Variants in NSMAF observed in about 807,000 individuals in gnomAD.
The protein encoded by NSMAF is neutral sphingomyelinase activation associated factor, also known as protein FAN.
In NSMAF, 90 loss-of-function variants were observed where a neutral mutation model predicts 134.9. The observed-to-expected ratio is 0.67, with a 90% CI of 0.56 to 0.79. The LOEUF (loss-of-function observed/expected upper bound fraction) is 0.79. Among genes scored for constraint, NSMAF ranks in the 30% least tolerant of loss-of-function variants. NSMAF has a pLI of 0.00. For missense variants in NSMAF, 1,010 were observed against 1,119.0 expected (o/e 0.90, Z 1.39); for synonymous variants, 358 against 389.6 (o/e 0.92, Z 0.96).
At chr8:58,629,778 G>C (rs1807015729) in intron 6 of NSMAF, among the ~76,000 whole-genome samples, 2 of 152,336 alleles carry the variant, frequency 1.3e-5, no homozygotes, top group Admixed American at 1.3e-4. Context: ...TATGCATGTA[G>C]ATTCCTAATT....
At chr8:58,658,171 C>T (rs1396040181) in intron 1 of NSMAF, among the ~76,000 whole-genome samples, 1 of 152,164 alleles carries the variant, frequency 6.6e-6, no homozygotes, top group Non-Finnish European at 1.5e-5. Context: ...ATACAGAGCA[C>T]CAACAAGTCT....
Position 58,597,916 on chromosome 8 carries a change from A to C in NSMAF, c.1586-14T>G, listed in dbSNP as rs1321444438. ...GGGGATGAAATACTGAAAAAGACATACAAAACACTATTGAAAGATGTGCTA... is the reference window on the plus strand; with the variant it reads ...GGGGATGAAATACTGAAAAAGACATCCAAAACACTATTGAAAGATGTGCTA... On this transcript the variant is annotated splice_polypyrimidine_tract_variant and intron_variant, in intron 19 of 30. Coordinates refer to ENST00000038176, the MANE Select transcript of NSMAF (RefSeq NM_003580.4). 7 of 1,589,418 alleles carry C rather than the reference A, an allele frequency of 4.4e-6. No individual in the cohort carries two copies. The highest frequency in any genetic ancestry group is 5.2e-6 in the Non-Finnish European group (6 of 1,157,852).
chr8:58,644,800 T>C (rs1156517793), intron 1 of NSMAF, among the ~76,000 whole-genome samples: 2 of 152,122 alleles, frequency 1.3e-5, no homozygotes, highest in Non-Finnish European at 2.9e-5. Context: ...AAAGGATGAA[T>C]TCATGTCCTT....
At position 58,583,940 on chromosome 8, in the gene NSMAF, T is replaced by A; in HGVS notation, c.*166A>T. On this transcript the variant is annotated 3_prime_UTR_variant, in exon 31 of 31. Transcript: ENST00000038176. Reference sequence around the variant, plus strand: ...TCTGCCCTAAGAGAATAGCAACTAATGGCTTTCAATGAAGTCACCATGATT... The same window carrying A: ...TCTGCCCTAAGAGAATAGCAACTAAAGGCTTTCAATGAAGTCACCATGATT... 1 of 628,114 alleles carries A rather than the reference T, an allele frequency of 1.6e-6. No individual in the cohort carries two copies. Among genetic ancestry groups the A allele is most frequent in the South Asian group, 1.8e-5 (1 of 54,168 alleles). The allele number at this position is 628,114 out of a possible 1,614,324, so 38.9% of individuals were successfully genotyped here. A position where few individuals can be genotyped will look rare whatever the true frequency, so the allele number is the denominator to read the frequency against.
At chr8:58,624,339 A>G (rs1174583028) in intron 6 of NSMAF, among the ~76,000 whole-genome samples, 1 of 151,942 alleles carries the variant, frequency 6.6e-6, no homozygotes, top group East Asian at 1.9e-4. Flanking sequence ...GAACCACCAC[A>G]CCTGGCCTAG....
chr8:58,594,676 A>T (rs1381054259), intron 22 of NSMAF: 1 of 205,472 alleles, frequency 4.9e-6, no homozygotes, highest in African/African-American at 2.3e-5. Context: ...CTCAGTGACT[A>T]TTCAATGATG....
chr8:58,649,590 T>A (rs1046034633), intron 1 of NSMAF, among the ~76,000 whole-genome samples: 10 of 152,152 alleles, frequency 6.6e-5, no homozygotes, highest in Admixed American at 4.6e-4. Flanking sequence ...GGTGACCTGA[T>A]CATGGGGGCA....
intron 12 of NSMAF, among the ~76,000 whole-genome samples, chr8:58,603,970 C>T (rs978818969): frequency 6.6e-6 from 1 of 152,170 alleles, no homozygotes; most frequent in African/African-American, 2.4e-5. Flanking sequence ...GACCTGCCCC[C>T]TGAAATACCT....
At chr8:58,636,497 A>G (rs188764997) in intron 2 of NSMAF, among the ~76,000 whole-genome samples, 2 of 152,376 alleles carry the variant, frequency 1.3e-5, no homozygotes, top group African/African-American at 2.4e-5. Flanking sequence ...GTCAATCTCC[A>G]TATAGCCATT....
intron 9 of NSMAF, among the ~76,000 whole-genome samples, chr8:58,619,462 G>A (rs1806733812): frequency 6.6e-6 from 1 of 152,118 alleles, no homozygotes; most frequent in South Asian, 2.1e-4. Flanking sequence ...AAGGATGAAT[G>A]ATTACAGATG....
Position 58,586,479 on chromosome 8 carries a change from A to G in NSMAF, c.2425T>C (p.Cys809Arg), listed in dbSNP as rs551306070. ...HQIPCHSGIV[C>R]DTAFSPDSRH... ...CTACCTGGGCTAAAAGCAGTGTCAC[A>G]TACAATCCCTGAATGGCATGGAATC... Residue 809 changes from cysteine to arginine, a missense_variant, in exon 28 of 31, where the codon TGT becomes CGT. By Grantham distance (180) the Cys-to-Arg change is radical (BLOSUM62 -3). Transcript: ENST00000038176. The G allele has an allele frequency of 6.2e-7, 1 of 1,609,290 alleles. No homozygotes were observed. The highest frequency in any genetic ancestry group is 1.4e-5 in the African/African-American group (1 of 70,498).
rs1440437583 is a variant in NSMAF at position 58,599,219 on chromosome 8, G to C, written c.1585+13C>G. On this transcript the variant is annotated intron_variant, in intron 19 of 30. Transcript: ENST00000038176. ...ACCCAATGCTAAATAAAATTTCAATGAATATTACATACCATTATGGGCCCC... is the reference window on the plus strand; with the variant it reads ...ACCCAATGCTAAATAAAATTTCAATCAATATTACATACCATTATGGGCCCC... 3.1e-6 allele frequency: 5 copies of C among 1,603,280 alleles called. No individual in the cohort carries two copies. In the African/African-American group the frequency reaches 6.7e-5, roughly 22 times the overall value.
intron 29 of NSMAF, 48 bp downstream of exon 29, chr8:58,585,850 T>G: frequency 6.3e-7 from 1 of 1,583,188 alleles, no homozygotes; most frequent in Non-Finnish European, 8.7e-7. Flanking sequence ...GAAGTGATCA[T>G]GAACATGTCT....
chr8:58,616,605 CT>C (rs1191783785), intron 9 of NSMAF, among the ~76,000 whole-genome samples: 2 of 152,092 alleles, frequency 1.3e-5, no homozygotes, highest in Non-Finnish European at 2.9e-5. Flanking sequence ...TATTTTCATT[CT>C]GTTAAAGGGC....
chr8:58,584,351 C>A, intron 30 of NSMAF, 151 bp from the exon 31 acceptor site: 1 of 612,218 alleles, frequency 1.6e-6, no homozygotes, highest in Non-Finnish European at 2.9e-6. Context: ...ATAATAAAAC[C>A]CTTGAATAAA....
intron 1 of NSMAF, 156 bp downstream of exon 1, chr8:58,659,417 G>T: frequency 6.6e-7 from 1 of 1,508,024 alleles, no homozygotes. Flanking sequence ...TCAGGTTTCC[G>T]CCACAGCCCC....
intron 6 of NSMAF, among the ~76,000 whole-genome samples, chr8:58,628,942 C>A (rs1806996989): frequency 6.6e-6 from 1 of 152,122 alleles, no homozygotes. Flanking sequence ...TCTTCTGTGA[C>A]CAGACACTTT....
Position 58,597,509 on chromosome 8 carries a change from A to G in NSMAF, c.1670T>C (p.Ile557Thr), listed in dbSNP as rs1326080488. Reference protein sequence around the residue: ...PDEKVAMLTQILEFGQTPKQL... With the variant: ...PDEKVAMLTQTLEFGQTPKQL... ...TTTTGGTGTCTGCCCAAATTCCAAG[A>G]TTTGCGTAAGCATGGCTACCTTCTC... Residue 557 changes from isoleucine (I) to threonine (T), a missense_variant, in exon 21 of 31, where the codon ATC (isoleucine) becomes ACC (threonine). Coordinates refer to ENST00000038176, the MANE Select transcript of NSMAF (RefSeq NM_003580.4). The G allele has an allele frequency of 6.2e-7, 1 of 1,614,186 alleles. No homozygotes were observed. Among genetic ancestry groups the G allele is most frequent in the Admixed American group, 1.7e-5 (1 of 60,030 alleles).
intron 9 of NSMAF, among the ~76,000 whole-genome samples, chr8:58,610,191 CTG>C (rs1228087172): frequency 6.6e-6 from 1 of 152,014 alleles, no homozygotes; most frequent in Non-Finnish European, 1.5e-5. Context: ...ATTTGAGTAA[CTG>C]TATATTCCTT....
Sources: gnomAD v4.1 joint callset for allele counts (sites outside exome capture counted in the v4.1 genomes callset) on GRCh38, gnomAD v4.1.1 for gene constraint, MANE v1.5 for transcripts, NCBI Gene and HGNC (gene_info 2026-07-23, HGNC 2026-07-21) for gene names.